Variants in FAM47E observed in about 807,000 individuals in gnomAD.
FAM47E encodes the protein protein FAM47E.
Under a neutral mutation model 41.6 loss-of-function variants are expected in FAM47E, and 32 were observed. The observed-to-expected ratio is 0.77, with a 90% CI of 0.58 to 1.03. The LOEUF (loss-of-function observed/expected upper bound fraction) is 1.03. FAM47E is among the 50% of genes least tolerant of loss of function. FAM47E has a pLI of 0.00. For missense variants in FAM47E, 424 were observed against 485.4 expected (o/e 0.87, Z 1.19); for synonymous variants, 184 against 188.7 (o/e 0.98, Z 0.20).
chr4:76,255,821 A>T (rs2110004683), intron 1 of FAM47E, among the ~76,000 whole-genome samples: 1 of 152,314 alleles, frequency 6.6e-6, no homozygotes, highest in African/African-American at 2.4e-5. Flanking sequence ...TACGTAAATT[A>T]AGAGTGCATG....
At chr4:76,264,410 C>CT (rs1734544342) in intron 3 of FAM47E, among the ~76,000 whole-genome samples, 1 of 151,858 alleles carries the variant, frequency 6.6e-6, no homozygotes. Flanking sequence ...TTCCACCCAT[C>CT]TTTTTTGCAT....
At chr4:76,230,614 C>T (rs1733475910) in intron 2 of FAM47E, among the ~76,000 whole-genome samples, 1 of 152,162 alleles carries the variant, frequency 6.6e-6, no homozygotes, top group Admixed American at 6.5e-5. Context: ...TGAAGCTTCC[C>T]TTCTCTTCCT....
intron 2 of FAM47E, among the ~76,000 whole-genome samples, chr4:76,235,640 T>A (rs1377369870): frequency 6.6e-6 from 1 of 152,190 alleles, no homozygotes; most frequent in Non-Finnish European, 1.5e-5. Flanking sequence ...TCAAGAGAGA[T>A]CAACCTGTTA....
Position 76,245,337 on chromosome 4 carries a change from G to A in FAM47E, c.82-18367G>A, listed in dbSNP as rs116674622. On this transcript the variant is annotated intron_variant, in intron 2 of 7. Coordinates refer to the FAM47E transcript ENST00000510197. ...AGGGGACATAGGTAATCTAGAGACT[G>A]GCAATAATAGGAAACCCCTACCACA... Among the ~76,000 whole-genome samples the A allele has an allele frequency of 6.0e-3, 911 of 152,242 alleles. 17 individuals carry two copies. Among genetic ancestry groups the A allele is most frequent in the African/African-American group, 0.021 (867 of 41,510 alleles).
upstream of FAM47E, among the ~76,000 whole-genome samples, chr4:76,251,037 A>C (rs1733947891): frequency 6.6e-6 from 1 of 152,180 alleles, no homozygotes; most frequent in Non-Finnish European, 1.5e-5. Context: ...ATTAAGTAGC[A>C]GAACCAATGC....
chr4:76,223,146 A>G (rs1263897491), intron 2 of FAM47E, among the ~76,000 whole-genome samples: 1 of 152,220 alleles, frequency 6.6e-6, no homozygotes, highest in East Asian at 1.9e-4. Context: ...TTTGTACACC[A>G]TTCAGTAAAA....
intron 5 of FAM47E, among the ~76,000 whole-genome samples, chr4:76,273,107 A>G (rs1578798493): frequency 6.6e-6 from 1 of 152,292 alleles, no homozygotes; most frequent in Admixed American, 6.5e-5. Context: ...ACTCCTATAT[A>G]TACTGCGTTT....
intron 3 of FAM47E, chr4:76,268,256 C>T (rs986363937): frequency 3.4e-5 from 6 of 176,938 alleles, no homozygotes; most frequent in Non-Finnish European, 7.1e-5. Context: ...CAGTTACAAT[C>T]TGCCAGACCT....
chr4:76,256,642 C>T (rs990202212), intron 2 of FAM47E, 119 bp downstream of exon 2: 40 of 1,261,024 alleles, frequency 3.2e-5, no homozygotes, highest in Non-Finnish European at 4.2e-5. Context: ...TGATGAATGT[C>T]TCCCCCAGGA....
At chr4:76,240,069 G>A (rs1016817770) in intron 2 of FAM47E, among the ~76,000 whole-genome samples, 8 of 152,150 alleles carry the variant, frequency 5.3e-5, no homozygotes, top group African/African-American at 1.4e-4. Flanking sequence ...CTATATGTCT[G>A]TCTTTGTGCC....
At chr4:76,256,617 T>A (rs1007114419) in intron 2 of FAM47E, 94 bp downstream of exon 2, 4 of 1,383,586 alleles carry the variant, frequency 2.9e-6, no homozygotes, top group African/African-American at 2.9e-5. Context: ...GAGGGTGACA[T>A]ATTTATAAGA....
At chr4:76,274,773 A>C (rs1735028288) in intron 5 of FAM47E, among the ~76,000 whole-genome samples, 2 of 152,120 alleles carry the variant, frequency 1.3e-5, no homozygotes, top group Admixed American at 1.3e-4. Context: ...TCTTTCCCTG[A>C]CCATGGGTAG....
chr4:76,256,554 T>A (rs925270783), intron 2 of FAM47E, 31 bp downstream of exon 2: 12 of 1,504,808 alleles, frequency 8.0e-6, no homozygotes, highest in Admixed American at 6.6e-5. Flanking sequence ...TGGGAGGGGC[T>A]TCACTGGGGC....
intron 3 of FAM47E, among the ~76,000 whole-genome samples, chr4:76,266,150 C>T (rs1734624185): frequency 6.6e-6 from 1 of 152,192 alleles, no homozygotes; most frequent in African/African-American, 2.4e-5. Flanking sequence ...TCTGGAACAT[C>T]CCTCTTTCAT....
At chr4:76,215,631 A>T (rs1733192318) in intron 1 of FAM47E, among the ~76,000 whole-genome samples, 1 of 152,186 alleles carries the variant, frequency 6.6e-6, no homozygotes, top group Non-Finnish European at 1.5e-5. Context: ...GGAACTTCTG[A>T]AGCTAGATCA....
chr4:76,240,975 G>GTGTTTT (rs763991859), intron 2 of FAM47E, among the ~76,000 whole-genome samples: 12 of 151,896 alleles, frequency 7.9e-5, no homozygotes, highest in Non-Finnish European at 1.6e-4. Flanking sequence ...TGTATCTCTT[G>GTGTTTT]TGTTTTTGTT....
At chr4:76,220,341 A>G (rs1733286701) in intron 2 of FAM47E, among the ~76,000 whole-genome samples, 1 of 152,240 alleles carries the variant, frequency 6.6e-6, no homozygotes, top group Non-Finnish European at 1.5e-5. Flanking sequence ...AAAGGAAAGA[A>G]ATAGGCTGGG....
intron 3 of FAM47E, among the ~76,000 whole-genome samples, chr4:76,266,160 T>C (rs541284630): frequency 1.3e-5 from 2 of 152,360 alleles, no homozygotes; most frequent in African/African-American, 2.4e-5. Flanking sequence ...CCCTCTTTCA[T>C]GGACCTCTCC....
At chr4:76,263,608 A>G (rs1172898877) in intron 2 of FAM47E, 96 bp from the exon 3 acceptor site, 1 of 1,454,126 alleles carries the variant, frequency 6.9e-7, no homozygotes, top group East Asian at 2.5e-5. Context: ...ACTGAAAAGG[A>G]AAAGTGAAGG....
Sources: gnomAD v4.1 joint callset for allele counts (sites outside exome capture counted in the v4.1 genomes callset) on GRCh38, gnomAD v4.1.1 for gene constraint, MANE v1.5 for transcripts, NCBI Gene and HGNC (gene_info 2026-07-23, HGNC 2026-07-21) for gene names.